LIMK2: variants seen among roughly 807,000 people sequenced by gnomAD.
LIMK2 encodes the protein LIM domain kinase 2.
In LIMK2, 35 loss-of-function variants were observed where a neutral mutation model predicts 75.7. That is an observed-to-expected ratio of 0.46 (90% CI 0.35 to 0.61). LIMK2 has a LOEUF of 0.61. LIMK2 is among the 20% of genes least tolerant of loss of function. The pLI is 0.00. For missense variants in LIMK2, 623 were observed against 831.0 expected, an observed-to-expected ratio of 0.75 and a Z score of 3.08; for synonymous variants, 301 against 319.2, an observed-to-expected ratio of 0.94 and a Z score of 0.61.
At chr22:31,245,836 C>G (rs994235823) in intron 2 of LIMK2, among the ~76,000 whole-genome samples, 32 of 152,108 alleles carry the variant, frequency 2.1e-4, no homozygotes, top group Non-Finnish European at 3.5e-4. Context: ...AGTGTCCCAG[C>G]CTGGGCAACA....
rs763018750 is a variant in LIMK2, at chr22:31,278,426, G to A, written c.1902G>A (p.Arg634=). 5 of 1,611,870 alleles carry A rather than the reference G, an allele frequency of 3.1e-6. No homozygotes were observed. The highest frequency in any genetic ancestry group is 3.4e-6 in the Non-Finnish European group (4 of 1,179,128). Residue 634 remains arginine (R), a synonymous_variant, in exon 16 of 16, where the codon CGG becomes CGA. Transcript: ENST00000331728. ...TGAGCATGCAGTACGGCCTGACCCG[G>A]GACTCACCTCCCTAGCCCTGGCCCA... ...HTVSMQYGLT[R]DSPP
At chr22:31,214,070 G>A (rs1441156543) in intron 1 of LIMK2, among the ~76,000 whole-genome samples, 1 of 152,050 alleles carries the variant, frequency 6.6e-6, no homozygotes, top group Non-Finnish European at 1.5e-5. Flanking sequence ...GCCCGCTTCG[G>A]CCTCCCAAAG....
chr22:31,260,483 G>A (rs1369096655), intron 5 of LIMK2, among the ~76,000 whole-genome samples: 1 of 152,198 alleles, frequency 6.6e-6, no homozygotes. Flanking sequence ...GGAGTTGATT[G>A]ATTATTATTT....
Position 31,272,472 on chromosome 22 carries a change from C to T in LIMK2, c.1384-58C>T. 2.6e-6 allele frequency: 4 copies of T among 1,513,934 alleles called. 1 individual carries two copies. In the Admixed American group the frequency reaches 8.4e-5, roughly 32 times the overall value. 93.8% of individuals were successfully genotyped at this position (1,513,934 alleles called of 1,614,324 possible). A position where few individuals can be genotyped will look rare whatever the true frequency, so the allele number is the denominator to read the frequency against. ...GGCTTCTCTTGCCTATGCTTCCTCC[C>T]CAGGGCCAGGTTTGAGAACATCCCC... On this transcript the variant is annotated intron_variant, in intron 12 of 15. Coordinates refer to ENST00000331728, the MANE Select transcript of LIMK2 (RefSeq NM_005569.4).
chr22:31,272,892 T>G, intron 13 of LIMK2, 188 bp downstream of exon 13: 1 of 1,378,546 alleles, frequency 7.3e-7, no homozygotes, highest in Non-Finnish European at 9.4e-7. Flanking sequence ...TGGGAACTGA[T>G]CAGTGTCCCA....
intron 15 of LIMK2, among the ~76,000 whole-genome samples, chr22:31,276,058 A>C (rs1023622917): frequency 1.3e-5 from 2 of 152,136 alleles, no homozygotes; most frequent in Admixed American, 1.3e-4. Flanking sequence ...CAACATGGTG[A>C]AACCCCATCT....
chr22:31,247,067 A>G (rs763469555), intron 2 of LIMK2, among the ~76,000 whole-genome samples: 16 of 152,190 alleles, frequency 1.1e-4, no homozygotes, highest in Non-Finnish European at 1.8e-4. Context: ...TTGTAACCCC[A>G]TCTACCATCT....
intron 1 of LIMK2, among the ~76,000 whole-genome samples, chr22:31,219,808 G>T (rs1256158411): frequency 1.3e-5 from 2 of 152,134 alleles, no homozygotes; most frequent in Non-Finnish European, 2.9e-5. Context: ...TCTTGACCTC[G>T]TGATCCACCC....
At chr22:31,217,971 A>G (rs1275599325) in intron 1 of LIMK2, among the ~76,000 whole-genome samples, 1 of 152,214 alleles carries the variant, frequency 6.6e-6, no homozygotes. Context: ...ACATGGGCAC[A>G]TAGAAAAAAG....
intron 15 of LIMK2, chr22:31,277,671 A>G (rs2049045736): frequency 3.9e-6 from 2 of 511,294 alleles, no homozygotes; most frequent in Non-Finnish European, 5.0e-6. Context: ...GTACAGTTCT[A>G]AACACTTGGG....
intron 2 of LIMK2, among the ~76,000 whole-genome samples, chr22:31,229,813 G>A (rs889319209): frequency 2.0e-5 from 3 of 152,006 alleles, no homozygotes; most frequent in Non-Finnish European, 4.4e-5. Flanking sequence ...TTAGCCTTCC[G>A]ACAGACCCTC....
At chr22:31,277,636 G>A (rs2049045415) in intron 15 of LIMK2, 1 of 749,602 alleles carries the variant, frequency 1.3e-6, no homozygotes, top group South Asian at 5.9e-5. Flanking sequence ...TATATATACA[G>A]TATTGAATGC....
At chr22:31,221,817 C>T (rs1328524289) in intron 1 of LIMK2, among the ~76,000 whole-genome samples, 1 of 152,116 alleles carries the variant, frequency 6.6e-6, no homozygotes. Context: ...TTAATATTTG[C>T]TTTGTGTTTA....
At chr22:31,256,362 A>T (rs2048781933) in intron 2 of LIMK2, among the ~76,000 whole-genome samples, 1 of 150,150 alleles carries the variant, frequency 6.7e-6, no homozygotes, top group Non-Finnish European at 1.5e-5. Flanking sequence ...GTTTTTTGAG[A>T]CAGAGTCTGA....
chr22:31,261,876 A>G (rs2048843812), intron 5 of LIMK2, among the ~76,000 whole-genome samples: 2 of 152,240 alleles, frequency 1.3e-5, no homozygotes, highest in Admixed American at 6.5e-5. Flanking sequence ...GTTCTTAGAG[A>G]TGGGAGTAGG....
intron 2 of LIMK2, among the ~76,000 whole-genome samples, chr22:31,242,625 T>A (rs568087173): frequency 1.3e-5 from 2 of 152,374 alleles, no homozygotes; most frequent in Non-Finnish European, 2.9e-5. Flanking sequence ...GGGCTTCCAA[T>A]TCTCCATTCC....
chr22:31,266,298 C>A (rs1408568862), intron 8 of LIMK2, among the ~76,000 whole-genome samples, 166 bp downstream of exon 8: 1 of 152,152 alleles, frequency 6.6e-6, no homozygotes, highest in East Asian at 1.9e-4. Flanking sequence ...CCACCCAGGC[C>A]ACCTAAGGTC....
chr22:31,232,105 G>A (rs2048534018), intron 2 of LIMK2, among the ~76,000 whole-genome samples: 1 of 151,962 alleles, frequency 6.6e-6, no homozygotes, highest in Non-Finnish European at 1.5e-5. Flanking sequence ...GTAAGCCACT[G>A]TGCCTGGCCA....
chr22:31,228,697 C>T (rs1000188049), intron 2 of LIMK2, among the ~76,000 whole-genome samples: 1 of 152,106 alleles, frequency 6.6e-6, no homozygotes, highest in African/African-American at 2.4e-5. Flanking sequence ...CTCTGGGAGG[C>T]CGAGGCAGAA....
Sources: gnomAD v4.1 joint callset for allele counts (sites outside exome capture counted in the v4.1 genomes callset) on GRCh38, gnomAD v4.1.1 for gene constraint, MANE v1.5 for transcripts, NCBI Gene and HGNC (gene_info 2026-07-23, HGNC 2026-07-21) for gene names.